PKNOX2: variants seen among roughly 807,000 people sequenced by gnomAD.
The protein encoded by PKNOX2 is PBX/knotted 1 homeobox 2.
A neutral mutation model predicts 53.1 loss-of-function variants in PKNOX2; 14 were observed. The ratio of observed to expected loss-of-function variants is 0.26; its 90% CI spans 0.17 to 0.41. The LOEUF (loss-of-function observed/expected upper bound fraction) is 0.41, where lower values mean the gene tolerates loss of function less well. PKNOX2 is among the 10% of genes least tolerant of loss of function. The pLI is 1.00. For synonymous variants in PKNOX2, 257 were observed against 242.8 expected (o/e 1.06, Z -0.54); for missense variants, 496 against 602.8 (o/e 0.82, Z 1.85).
chr11:125,376,340 C>A (rs542014684), intron 5 of PKNOX2, among the ~76,000 whole-genome samples: 49 of 152,328 alleles, frequency 3.2e-4, no homozygotes, highest in African/African-American at 1.1e-3. Context: ...AACGTCACAC[C>A]TGAAGTAAAA....
chr11:125,384,602 T>A (rs1953494143), intron 5 of PKNOX2, among the ~76,000 whole-genome samples: 1 of 152,150 alleles, frequency 6.6e-6, no homozygotes, highest in Non-Finnish European at 1.5e-5. Flanking sequence ...GAGAATGGCG[T>A]GAACCCAGGG....
intron 4 of PKNOX2, among the ~76,000 whole-genome samples, chr11:125,358,244 C>T (rs934288476): frequency 2.0e-5 from 3 of 152,140 alleles, no homozygotes; most frequent in Non-Finnish European, 2.9e-5. Context: ...CTATGAACAC[C>T]CCCTTACACA....
At chr11:125,384,064 G>C (rs1420500702) in intron 5 of PKNOX2, among the ~76,000 whole-genome samples, 2 of 152,148 alleles carry the variant, frequency 1.3e-5, no homozygotes, top group Non-Finnish European at 2.9e-5. Context: ...GGGACTCTCT[G>C]GAGTCCAGTG....
chr11:125,283,302 G>A (rs938743056), intron 2 of PKNOX2, among the ~76,000 whole-genome samples: 1 of 152,222 alleles, frequency 6.6e-6, no homozygotes, highest in Non-Finnish European at 1.5e-5. Context: ...GGAAATGAAT[G>A]GGTAAGTGGC....
chr11:125,422,130 T>C lies in PKNOX2; in HGVS notation c.937-6882T>C, dbSNP rs1010413431. 3.9e-5 allele frequency among the ~76,000 whole-genome samples: 6 copies of C among 152,180 alleles called. No homozygotes were observed. The highest frequency in any genetic ancestry group is 1.9e-4 in the East Asian group (1 of 5,192). On this transcript the variant is annotated intron_variant, in intron 10 of 12. Transcript: ENST00000298282. The surrounding 1 kb of genome is among the most constrained non-coding windows in gnomAD (Gnocchi z 4.1). ...ATCATCAATGCCCCTATGATTCGTA[T>C]TGGCCACAGGGAGTGACCCCTCGCT...
intron 1 of PKNOX2, among the ~76,000 whole-genome samples, chr11:125,180,860 G>A (rs1053720401): frequency 9.2e-5 from 14 of 152,158 alleles, no homozygotes; most frequent in Admixed American, 2.0e-4. Flanking sequence ...TCTCTCCCAC[G>A]AGGTAAAATG....
At chr11:125,359,796 C>A (rs978837865) in intron 4 of PKNOX2, among the ~76,000 whole-genome samples, 2 of 152,180 alleles carry the variant, frequency 1.3e-5, no homozygotes, top group Non-Finnish European at 2.9e-5. Flanking sequence ...TTTTGGCAGC[C>A]TAAGGGGGCC....
intron 1 of PKNOX2, among the ~76,000 whole-genome samples, chr11:125,224,530 G>A (rs746286577): frequency 5.3e-5 from 8 of 152,214 alleles, no homozygotes; most frequent in Non-Finnish European, 1.2e-4. Flanking sequence ...CCCGCCCCTT[G>A]CCTGTTTATG....
intron 2 of PKNOX2, among the ~76,000 whole-genome samples, chr11:125,255,496 A>G (rs1217366621): frequency 2.0e-5 from 3 of 152,132 alleles, no homozygotes; most frequent in African/African-American, 7.2e-5. Flanking sequence ...TATTCAACCA[A>G]TGCTTATGGA....
chr11:125,178,787 A>G (rs1328830038), intron 1 of PKNOX2, among the ~76,000 whole-genome samples: 1 of 151,996 alleles, frequency 6.6e-6, no homozygotes, highest in Non-Finnish European at 1.5e-5. Context: ...CAGTTGGGTC[A>G]GAGCAGAAAG....
In PKNOX2 at chr11:125,222,603, G is replaced by C. The variant is rs527590780; in HGVS notation, c.-200-12442G>C. Among the ~76,000 whole-genome samples, 18 of 135,688 alleles carry C rather than the reference G, an allele frequency of 1.3e-4. No homozygotes were observed. In the Admixed American group the frequency reaches 1.4e-3, roughly 11 times the overall value. The allele number at this position is 135,688 out of a possible 152,430, so 89.0% of individuals were successfully genotyped here. A position where few individuals can be genotyped will look rare whatever the true frequency, so the allele number is the denominator to read the frequency against. Reference sequence around the variant, plus strand: ...GTGCTCCTGGTGTGTGTGTGTGTGTGTCTGTGTGTATGTGTGTGTATGTGT... The same window carrying C: ...GTGCTCCTGGTGTGTGTGTGTGTGTCTCTGTGTGTATGTGTGTGTATGTGT... On this transcript the variant is annotated intron_variant, in intron 1 of 12. Coordinates refer to ENST00000298282, the MANE Select transcript of PKNOX2 (RefSeq NM_001382323.2).
intron 1 of PKNOX2, among the ~76,000 whole-genome samples, chr11:125,202,814 A>G (rs1183660320): frequency 6.6e-6 from 1 of 152,136 alleles, no homozygotes; most frequent in Non-Finnish European, 1.5e-5. Flanking sequence ...TATATTATTT[A>G]AACAATTATT....
At chr11:125,234,089 C>T (rs1483646912) in intron 1 of PKNOX2, among the ~76,000 whole-genome samples, 1 of 151,512 alleles carries the variant, frequency 6.6e-6, no homozygotes, top group East Asian at 1.9e-4. Flanking sequence ...GGAATGCCTT[C>T]TCCTCCCTCC....
At chr11:125,205,476 C>T (rs561742657) in intron 1 of PKNOX2, among the ~76,000 whole-genome samples, 1 of 152,342 alleles carries the variant, frequency 6.6e-6, no homozygotes, top group South Asian at 2.1e-4. Flanking sequence ...TACTTTGTGG[C>T]CTCTGTTTCT....
chr11:125,254,216 C>T (rs1944226514), intron 2 of PKNOX2, among the ~76,000 whole-genome samples: 1 of 152,214 alleles, frequency 6.6e-6, no homozygotes, highest in Non-Finnish European at 1.5e-5. Flanking sequence ...AAAAATGTCT[C>T]TTTATATATT....
chr11:125,172,927 A>G (rs1955435453), intron 1 of PKNOX2, among the ~76,000 whole-genome samples: 1 of 152,184 alleles, frequency 6.6e-6, no homozygotes, highest in Non-Finnish European at 1.5e-5. Context: ...TGAGGCAGCA[A>G]TTTCAGTCTG....
chr11:125,374,814 G>T (rs1952744613), intron 5 of PKNOX2, among the ~76,000 whole-genome samples: 5 of 152,176 alleles, frequency 3.3e-5, no homozygotes, highest in Admixed American at 3.3e-4. Flanking sequence ...GGCAGTGCTT[G>T]GCACACAGAA....
intron 9 of PKNOX2, chr11:125,411,439 G>A (rs1955504447): frequency 9.0e-6 from 4 of 445,022 alleles, no homozygotes; most frequent in Admixed American, 3.5e-5. Context: ...TGTTCTCTCT[G>A]CATGGCCCTG....
chr11:125,354,970 GA>G (rs1951524428), intron 4 of PKNOX2, among the ~76,000 whole-genome samples: 1 of 152,188 alleles, frequency 6.6e-6, no homozygotes, highest in Non-Finnish European at 1.5e-5. Flanking sequence ...TGTATGTTTA[GA>G]AAGTGCAAAA....
Sources: allele counts gnomAD v4.1 joint callset (sites outside exome capture counted in the v4.1 genomes callset), GRCh38; gene constraint gnomAD v4.1.1; non-coding constraint Gnocchi (gnomAD v3.1); transcripts MANE v1.5; gene names NCBI Gene and HGNC (gene_info 2026-07-23, HGNC 2026-07-21).